Variants in PPM1E observed in about 807,000 individuals in gnomAD.
PPM1E encodes protein phosphatase, Mg2+/Mn2+ dependent 1E.
In PPM1E, 20 loss-of-function variants were observed where a neutral mutation model predicts 65.9. That is an observed-to-expected ratio of 0.30 (90% confidence interval 0.21 to 0.44). The LOEUF is 0.44. Among genes scored for constraint, PPM1E ranks in the 20% least tolerant of loss-of-function variants. PPM1E has a pLI of 1.00. For synonymous variants in PPM1E, 352 were observed against 374.9 expected (o/e 0.94, Z 0.70); for missense variants, 713 against 953.1 (o/e 0.75, Z 3.32).
chr17:58,888,363 T>TG (rs1031619495), intron 1 of PPM1E, among the ~76,000 whole-genome samples: 10 of 44,320 alleles, frequency 2.3e-4, no homozygotes, highest in African/African-American at 1.2e-3. Flanking sequence ...CTCTTCTCTC[T>TG]TTTTTTTTTT....
At chr17:58,939,647 TAATG>T (rs1279028913) in intron 1 of PPM1E, among the ~76,000 whole-genome samples, 3 of 152,162 alleles carry the variant, frequency 2.0e-5, no homozygotes, top group Non-Finnish European at 4.4e-5. Flanking sequence ...GGCCCCTAAT[TAATG>T]ATTTTCAACA....
chr17:58,914,686 C>T (rs1225505685), intron 1 of PPM1E, among the ~76,000 whole-genome samples: 1 of 152,046 alleles, frequency 6.6e-6, no homozygotes, highest in African/African-American at 2.4e-5. Flanking sequence ...TTAATATCAC[C>T]ACCAGTGATA....
rs751021723 is a variant in PPM1E at position 58,837,320 on chromosome 17, A to AACACACATACACACAC, written c.464+80866_464+80867insTACACACACACACACA. ...TATACAACTGTCAGAGAATGAGAATAACACACACACATACACACACACACA... is the reference window on the plus strand; with the variant it reads ...TATACAACTGTCAGAGAATGAGAATAACACACATACACACACACACACACACATACACACACACACA... On this transcript the variant is annotated intron_variant, in intron 1 of 6. Transcript: ENST00000308249. Among the ~76,000 whole-genome samples the AACACACATACACACAC allele has an allele frequency of 4.7e-3, 562 of 120,236 alleles. 3 individuals carry two copies. Among genetic ancestry groups the AACACACATACACACAC allele is most frequent in the Non-Finnish European group, 6.6e-3 (390 of 58,972 alleles). The allele number at this position is 120,236 out of a possible 152,430, so 78.9% of individuals were successfully genotyped here. A position where few individuals can be genotyped will look rare whatever the true frequency, so the allele number is the denominator to read the frequency against.
Position 58,981,349 on chromosome 17 carries a change from G to A in PPM1E, c.*318G>A, listed in dbSNP as rs16943333. On this transcript the variant is annotated 3_prime_UTR_variant, in exon 7 of 7. Coordinates refer to ENST00000308249, the MANE Select transcript of PPM1E (RefSeq NM_014906.5). ...CCCACCATCCCTTCAGTCACTAGTG[G>A]AAGCTTTCAAGTTAGTTATTTCAGT... 35,987 of 253,100 alleles carry A rather than the reference G, an allele frequency of 0.14. 2,919 individuals are homozygous for A. The highest frequency in any genetic ancestry group is 0.19 in the East Asian group (2,143 of 11,550). The allele number at this position is 253,100 out of a possible 1,614,324, so 15.7% of individuals were successfully genotyped here.
intron 1 of PPM1E, among the ~76,000 whole-genome samples, chr17:58,903,586 C>A (rs2069149849): frequency 6.6e-6 from 1 of 152,124 alleles, no homozygotes; most frequent in Admixed American, 6.5e-5. Context: ...AAGTGGAGAA[C>A]AAATGAAAAT....
chr17:58,835,127 G>A (rs757748117), intron 1 of PPM1E, among the ~76,000 whole-genome samples: 4 of 152,128 alleles, frequency 2.6e-5, no homozygotes, highest in Non-Finnish European at 4.4e-5. Context: ...GATCACTTGA[G>A]CACAGGAGTT....
At chr17:58,875,878 C>G (rs1373107906) in intron 1 of PPM1E, among the ~76,000 whole-genome samples, 1 of 152,102 alleles carries the variant, frequency 6.6e-6, no homozygotes, top group Non-Finnish European at 1.5e-5. Context: ...AAAAAAATCC[C>G]AAGGATGTTG....
chr17:58,872,067 G>A (rs1344467561), intron 1 of PPM1E, among the ~76,000 whole-genome samples: 1 of 152,174 alleles, frequency 6.6e-6, no homozygotes, highest in Non-Finnish European at 1.5e-5. Flanking sequence ...GGAGGCTGAG[G>A]CAGGCAGATC....
intron 1 of PPM1E, among the ~76,000 whole-genome samples, chr17:58,881,871 A>G (rs1283007275): frequency 4.6e-5 from 7 of 151,510 alleles, no homozygotes; most frequent in Non-Finnish European, 1.0e-4. Flanking sequence ...AAAGAAAAGA[A>G]ATACAGGCCA....
intron 1 of PPM1E, among the ~76,000 whole-genome samples, chr17:58,805,090 A>G (rs1455175204): frequency 1.3e-5 from 2 of 151,806 alleles, no homozygotes; most frequent in African/African-American, 4.8e-5. Flanking sequence ...CCTGAGATCA[A>G]CTTTTTAAAA....
chr17:58,982,084 A>C lies in PPM1E; in HGVS notation c.*1053A>C, dbSNP rs2031387521. ...AAGTAATTGGAATGAAGGAGGCTGA[A>C]AGTATTGTCTAAAGTGAGCCCAGAG... On this transcript the variant is annotated 3_prime_UTR_variant, in exon 7 of 7. Coordinates refer to ENST00000308249, the MANE Select transcript of PPM1E (RefSeq NM_014906.5). The C allele has an allele frequency of 6.6e-6, 1 of 152,614 alleles. No individual in the cohort carries two copies. The highest frequency in any genetic ancestry group is 2.1e-4 in the South Asian group (1 of 4,836). 9.5% of individuals were successfully genotyped at this position (152,614 alleles called of 1,614,324 possible).
chr17:58,835,334 GACCCTGTC>G (rs1240504671), intron 1 of PPM1E, among the ~76,000 whole-genome samples: 4 of 152,152 alleles, frequency 2.6e-5, no homozygotes, highest in African/African-American at 9.7e-5. Flanking sequence ...GACAGAGCAA[GACCCTGTC>G]TCAAATAAAG....
intron 1 of PPM1E, among the ~76,000 whole-genome samples, chr17:58,858,456 CT>C (rs2050906039): frequency 6.6e-6 from 1 of 152,014 alleles, no homozygotes; most frequent in African/African-American, 2.4e-5. Flanking sequence ...CTCTCTATCC[CT>C]TTCTTTCTCC....
chr17:58,917,867 T>A (rs979721027), intron 1 of PPM1E, among the ~76,000 whole-genome samples: 1 of 152,216 alleles, frequency 6.6e-6, no homozygotes, highest in African/African-American at 2.4e-5. Flanking sequence ...TTTAGTTCCC[T>A]ATGGAGTAGC....
chr17:58,811,705 T>C (rs1028798506), intron 1 of PPM1E, among the ~76,000 whole-genome samples: 7 of 151,982 alleles, frequency 4.6e-5, no homozygotes, highest in African/African-American at 1.7e-4. Flanking sequence ...AGAGTCTCAC[T>C]CAGTCGCCAG....
At position 58,982,725 on chromosome 17, in the gene PPM1E, A is replaced by G. The variant is rs1177280561; in HGVS notation, c.*1694A>G. The G allele has an allele frequency of 1.9e-6, 1 of 526,812 alleles. No individual in the cohort carries two copies. Among genetic ancestry groups the G allele is most frequent in the Non-Finnish European group, 3.4e-6 (1 of 298,182 alleles). The allele number at this position is 526,812 out of a possible 1,614,324, so 32.6% of individuals were successfully genotyped here. A position where few individuals can be genotyped will look rare whatever the true frequency, so the allele number is the denominator to read the frequency against. On this transcript the variant is annotated 3_prime_UTR_variant, in exon 7 of 7. Coordinates refer to ENST00000308249, the MANE Select transcript of PPM1E (RefSeq NM_014906.5). ...GACTTTCAGTATTTGTTTTCTCTTGATTTTGAAGTCATTTCTTCTTCTCAC... is the reference window on the plus strand; with the variant it reads ...GACTTTCAGTATTTGTTTTCTCTTGGTTTTGAAGTCATTTCTTCTTCTCAC...
At chr17:58,844,301 A>C (rs1196005624) in intron 1 of PPM1E, among the ~76,000 whole-genome samples, 1 of 152,188 alleles carries the variant, frequency 6.6e-6, no homozygotes, top group Non-Finnish European at 1.5e-5. Context: ...AAAAATTATA[A>C]CTAATTGTAA....
In PPM1E at chr17:58,756,059, A is replaced by C; in HGVS notation, c.62A>C (p.Glu21Ala). ...YRRFLELFLG[E>A]FRGPCGGGEP... is the part of the protein sequence containing the mutation. ...CGCTTCCTGGAGCTATTCCTGGGCG[A>C]GTTTCGCGGACCGTGCGGCGGCGGC... The change falls in exon 1 of 7, where the codon GAG becomes GCG. Residue 21 changes from glutamate (E) to alanine (A), a missense_variant. This residue lies in a region of PPM1E where 212 missense variants were observed against 204.0 expected (regional missense o/e 1.04). Coordinates refer to ENST00000308249, the MANE Select transcript of PPM1E (RefSeq NM_014906.5). 6.2e-7 allele frequency: 1 copy of C among 1,613,726 alleles called. No homozygotes were observed. Among genetic ancestry groups the C allele is most frequent in the East Asian group, 2.2e-5 (1 of 44,830 alleles).
chr17:58,914,625 A>G (rs553583603), intron 1 of PPM1E, among the ~76,000 whole-genome samples: 2 of 152,144 alleles, frequency 1.3e-5, no homozygotes, highest in Non-Finnish European at 2.9e-5. Context: ...CACTTTCTAA[A>G]AAAGAATATG....
Sources: gnomAD v4.1 joint callset for allele counts (sites outside exome capture counted in the v4.1 genomes callset) on GRCh38, gnomAD v4.1.1 for gene constraint, gnomAD v4.1.1 regional missense constraint, MANE v1.5 for transcripts, NCBI Gene and HGNC (gene_info 2026-07-23, HGNC 2026-07-21) for gene names.